SYNE3: variants seen among roughly 807,000 people sequenced by gnomAD.
The protein encoded by SYNE3 is nesprin-3.
Under a neutral mutation model 111.2 loss-of-function variants are expected in SYNE3, and 100 were observed. The ratio of observed to expected loss-of-function variants is 0.90; its 90% CI spans 0.77 to 1.06. SYNE3 has a LOEUF of 1.06. Among genes scored for constraint, SYNE3 ranks in the 50% least tolerant of loss-of-function variants. The pLI, the probability that SYNE3 is intolerant of heterozygous loss-of-function variation, is 0.00. For missense variants in SYNE3, 1,160 were observed against 1,240.3 expected (o/e 0.94, Z 0.97); for synonymous variants, 547 against 533.9 (o/e 1.02, Z -0.34).
chr14:95,417,538 T>G lies in SYNE3; in HGVS notation c.*288A>C, dbSNP rs1478028702. ...TGCTAGGAATTTTCCCAACTCCAAA[T>G]AGAACTCGTATATGAAATTATACAT... On this transcript the variant is annotated 3_prime_UTR_variant, in exon 18 of 18. Transcript: ENST00000682763. 7.0e-6 allele frequency: 3 copies of G among 429,360 alleles called. No homozygotes were observed. The highest frequency in any genetic ancestry group is 1.3e-5 in the Non-Finnish European group (3 of 234,050). The allele number at this position is 429,360 out of a possible 1,614,324, so 26.6% of individuals were successfully genotyped here.
At position 95,439,901 on chromosome 14, in the gene SYNE3, ACCACCG is replaced by A; in HGVS notation, c.2073+7_2073+12del. 1 of 1,608,062 alleles carries A rather than the reference ACCACCG, an allele frequency of 6.2e-7. No homozygotes were observed. The highest frequency in any genetic ancestry group is 8.5e-7 in the Non-Finnish European group (1 of 1,176,738). ...GCTTCTTTGGGAAGTGGGTGAGGGA[ACCACCG>A]CCTTACCTCAAACTCGGCCTCTTGG... is the stretch of plus-strand genomic sequence containing the variant. On this transcript the variant is annotated splice_region_variant and intron_variant, in intron 12 of 17. Coordinates refer to ENST00000682763, the MANE Select transcript of SYNE3 (RefSeq NM_152592.6).
chr14:95,487,424 G>A (rs1274908428), intron 1 of SYNE3, among the ~76,000 whole-genome samples: 1 of 152,164 alleles, frequency 6.6e-6, no homozygotes, highest in African/African-American at 2.4e-5. Flanking sequence ...CTTCCACCGC[G>A]ATGCCGTGTT....
intron 8 of SYNE3, 62 bp downstream of exon 8, chr14:95,449,869 G>C: frequency 6.6e-7 from 1 of 1,522,616 alleles, no homozygotes; most frequent in Non-Finnish European, 8.8e-7. Context: ...GAGAGAGACT[G>C]AAACACCATG....
rs766645599 is a variant in SYNE3, at chr14:95,439,118, C to A, written c.2291G>T (p.Gly764Val). The A allele has an allele frequency of 1.2e-6, 2 of 1,614,124 alleles. No homozygotes were observed. The highest frequency in any genetic ancestry group is 1.7e-6 in the Non-Finnish European group (2 of 1,180,056). ...GTTGTTGGTGAAAACCATTTTCTTCCCCGAATCCACTTCCATCCTCTGCAG... is the reference window on the plus strand; with the variant it reads ...GTTGTTGGTGAAAACCATTTTCTTCACCGAATCCACTTCCATCCTCTGCAG... The part of the protein sequence containing the change: ...WHLQRMEVDS[G>V]KKMVFTNNIP... The change falls in exon 14 of 18, where the codon GGG becomes GTG. Residue 764 changes from glycine (G) to valine (V), a missense_variant. Gly to Val is a moderately radical substitution (Grantham distance 109, BLOSUM62 -3). Coordinates refer to ENST00000682763, the MANE Select transcript of SYNE3 (RefSeq NM_152592.6).
At chr14:95,449,569 G>A (rs985740521) in intron 8 of SYNE3, 7 of 985,350 alleles carry the variant, frequency 7.1e-6, no homozygotes, top group Admixed American at 6.1e-5. Flanking sequence ...CCTGAATGTC[G>A]CTGTTTTAAG....
rs1223065458 is a variant in SYNE3, at chr14:95,415,620, A to G, written c.*2206T>C. Reference sequence around the variant, plus strand: ...AACTTGATGGAAGGATGGAGAGTCTACAGGGCTTGTTTTCCAAAGAAAAGT... The same window carrying G: ...AACTTGATGGAAGGATGGAGAGTCTGCAGGGCTTGTTTTCCAAAGAAAAGT... On this transcript the variant is annotated 3_prime_UTR_variant, in exon 18 of 18. Transcript: ENST00000682763. 1.3e-5 allele frequency: 2 copies of G among 151,980 alleles called. No homozygotes were observed. The highest frequency in any genetic ancestry group is 4.8e-5 in the African/African-American group (2 of 41,336). 9.4% of individuals were successfully genotyped at this position (151,980 alleles called of 1,614,324 possible). A position where few individuals can be genotyped will look rare whatever the true frequency, so the allele number is the denominator to read the frequency against.
chr14:95,496,660 C>T (rs1325480817), intron 1 of SYNE3, among the ~76,000 whole-genome samples: 1 of 152,220 alleles, frequency 6.6e-6, no homozygotes, highest in Admixed American at 6.5e-5. Flanking sequence ...ATATGTTTGC[C>T]ACAAGCAATC....
chr14:95,494,569 G>A (rs1379519069), intron 1 of SYNE3, among the ~76,000 whole-genome samples: 1 of 152,158 alleles, frequency 6.6e-6, no homozygotes, highest in African/African-American at 2.4e-5. Flanking sequence ...GGATTCCAAA[G>A]GGTTGTGTGG....
At chr14:95,438,655 G>T in intron 14 of SYNE3, 1 of 196,358 alleles carries the variant, frequency 5.1e-6, no homozygotes. Context: ...GATGAAACAT[G>T]GCAGAAAAGT....
chr14:95,452,763 C>T (rs749772655), intron 6 of SYNE3, among the ~76,000 whole-genome samples: 4 of 152,196 alleles, frequency 2.6e-5, no homozygotes, highest in Non-Finnish European at 4.4e-5. Context: ...GGCTAGTCTC[C>T]GTGTCCCAAT....
At chr14:95,472,530 G>C (rs1210321354) in intron 2 of SYNE3, among the ~76,000 whole-genome samples, 1 of 152,214 alleles carries the variant, frequency 6.6e-6, no homozygotes, top group Admixed American at 6.5e-5. Context: ...CATTTCGCCA[G>C]CTCTGCCAGC....
At position 95,485,911 on chromosome 14, in the gene SYNE3, C is replaced by A. The variant is rs1333607764; in HGVS notation, c.-14-10076G>T. ...CTTCTCCCACCTCACCCCTGAGGAC[C>A]AGCAGAGTCTGATTTGGGACAAGGG... On this transcript the variant is annotated intron_variant, in intron 1 of 17. Coordinates refer to ENST00000682763, the MANE Select transcript of SYNE3 (RefSeq NM_152592.6). This position sits in a 1 kb window ranked among gnomAD's most constrained non-coding sequence, Gnocchi z 4.3. Among the ~76,000 whole-genome samples the A allele has an allele frequency of 6.6e-6, 1 of 152,124 alleles. No homozygotes were observed. Among genetic ancestry groups the A allele is most frequent in the Non-Finnish European group, 1.5e-5 (1 of 68,020 alleles).
At chr14:95,439,457 A>G (rs147417651) in intron 13 of SYNE3, among the ~76,000 whole-genome samples, 155 bp downstream of exon 13, 2 of 152,296 alleles carry the variant, frequency 1.3e-5, no homozygotes, top group East Asian at 3.9e-4. Flanking sequence ...TGCTCCTGCT[A>G]GAATAGCCAA....
intron 1 of SYNE3, among the ~76,000 whole-genome samples, chr14:95,495,991 G>A (rs1595256164): frequency 6.6e-6 from 1 of 152,308 alleles, no homozygotes; most frequent in Non-Finnish European, 1.5e-5. Context: ...ACCTTGACAG[G>A]GCAGCGGCTC....
At chr14:95,456,344 G>A (rs1887435635) in intron 5 of SYNE3, among the ~76,000 whole-genome samples, 1 of 152,212 alleles carries the variant, frequency 6.6e-6, no homozygotes, top group Admixed American at 6.5e-5. Flanking sequence ...CATTCAGCAG[G>A]TGAAAAGTGG....
rs6575512 is a variant in SYNE3 at position 95,447,153 on chromosome 14, A to T, written c.1450-1062T>A. ...GGTCATTCTTTTTTTTTTTTTTTTG[A>T]GCTGGAGTCTCACTCTGTTGCCCAG... On this transcript the variant is annotated intron_variant, in intron 8 of 17. Transcript: ENST00000682763. Among the ~76,000 whole-genome samples, 22 of 125,962 alleles carry T rather than the reference A, an allele frequency of 1.7e-4. No homozygotes were observed. In the South Asian group the frequency reaches 4.2e-3, roughly 24 times the overall value. The allele number at this position is 125,962 out of a possible 152,430, so 82.6% of individuals were successfully genotyped here.
chr14:95,421,860 A>C (rs1204155860), intron 17 of SYNE3, among the ~76,000 whole-genome samples: 1 of 152,134 alleles, frequency 6.6e-6, no homozygotes, highest in African/African-American at 2.4e-5. Context: ...GTGTGTCTGG[A>C]ATGCTCATTG....
Position 95,439,728 on chromosome 14 carries a change from C to T in SYNE3, c.2130G>A (p.Gln710=). Reference sequence around the variant, plus strand: ...AAGACTTCTCCATCACCAGCCAGCCCTGCGCTTCCACCAGGGACAGCTGGG... The same window carrying T: ...AAGACTTCTCCATCACCAGCCAGCCTTGCGCTTCCACCAGGGACAGCTGGG... ...KEAQLSLVEA[Q]GWLVMEKSSP... is the part of the protein sequence containing the mutation. Residue 710 remains glutamine (Q), a synonymous_variant, in exon 13 of 18, where the codon CAG becomes CAA. Coordinates refer to ENST00000682763, the MANE Select transcript of SYNE3 (RefSeq NM_152592.6). 1 of 1,614,204 alleles carries T rather than the reference C, an allele frequency of 6.2e-7. No individual in the cohort carries two copies. Among genetic ancestry groups the T allele is most frequent in the Non-Finnish European group, 8.5e-7 (1 of 1,180,006 alleles).
Position 95,439,954 on chromosome 14 carries a change from G to A in SYNE3, c.2033C>T (p.Ala678Val), listed in dbSNP as rs201726994. The A allele has an allele frequency of 2.9e-5, 47 of 1,613,972 alleles. 1 individual carries two copies. Among genetic ancestry groups the A allele is most frequent in the Admixed American group, 5.0e-5 (3 of 60,004 alleles). The change falls in exon 12 of 18, where the codon GCG becomes GTG. Residue 678 changes from alanine to valine, a missense_variant. Physicochemically the swap from Ala to Val is moderately conservative, Grantham distance 64. Transcript: ENST00000682763. Reference protein sequence around the residue: ...TQKLEAHRGEAGPGDAESQEA... With the variant: ...TQKLEAHRGEVGPGDAESQEA... The stretch of plus-strand genomic sequence containing the variant: ...TTGGGACTCGGCATCCCCCGGGCCC[G>A]CCTCTCCCCGGTGTGCCTCCAGCTT...
Sources: gnomAD v4.1 joint callset for allele counts (sites outside exome capture counted in the v4.1 genomes callset) on GRCh38, gnomAD v4.1.1 for gene constraint, Gnocchi (gnomAD v3.1) non-coding constraint, MANE v1.5 for transcripts, NCBI Gene and HGNC (gene_info 2026-07-23, HGNC 2026-07-21) for gene names.